The following MED13L variants were observed in gnomAD, a reference collection of about 807,000 sequenced individuals.
MED13L encodes mediator complex subunit 13L.
MED13L carries 7 observed loss-of-function variants against 220.9 expected under a neutral mutation model. That is an observed-to-expected ratio of 0.03 (90% confidence interval 0.02 to 0.06). The LOEUF (loss-of-function observed/expected upper bound fraction) is 0.06, where lower values mean the gene tolerates loss of function less well. Among genes scored for constraint, MED13L ranks in the 10% least tolerant of loss-of-function variants. The pLI is 1.00. For synonymous variants in MED13L, 1,011 were observed against 1,015.2 expected (o/e 1.00, Z 0.08); for missense variants, 1,965 against 2,760.5 (o/e 0.71, Z 6.46).
At chr12:116,058,626 C>T (rs1869168209) in intron 4 of MED13L, among the ~76,000 whole-genome samples, 2 of 152,120 alleles carry the variant, frequency 1.3e-5, no homozygotes, top group Admixed American at 1.3e-4. Flanking sequence ...TCAAAAGATG[C>T]AATAAGAGAC....
At chr12:116,025,869 C>G (rs1432158216) in intron 4 of MED13L, among the ~76,000 whole-genome samples, 1 of 152,066 alleles carries the variant, frequency 6.6e-6, no homozygotes, top group Non-Finnish European at 1.5e-5. Flanking sequence ...GTTCTTACCA[C>G]AGAAAAATGA....
chr12:116,113,467 T>A (rs1157254445), intron 2 of MED13L, among the ~76,000 whole-genome samples: 2 of 146,066 alleles, frequency 1.4e-5, no homozygotes, highest in African/African-American at 5.0e-5. Context: ...CCAGTCCCCA[T>A]CTCTACAAAA....
chr12:116,108,409 G>A (rs1253544797), intron 3 of MED13L, among the ~76,000 whole-genome samples: 1 of 148,178 alleles, frequency 6.7e-6, no homozygotes, highest in African/African-American at 2.5e-5. Context: ...GGGCGCGTGG[G>A]GGGTGGGGGT....
intron 2 of MED13L, among the ~76,000 whole-genome samples, chr12:116,225,446 A>ATATT (rs979060183): frequency 6.6e-6 from 1 of 152,180 alleles, no homozygotes; most frequent in African/African-American, 2.4e-5. Flanking sequence ...GGCATGACAA[A>ATATT]TGTTTCCAAA....
At chr12:115,984,774 TA>T (rs1226369041) in intron 19 of MED13L, among the ~76,000 whole-genome samples, 1 of 152,068 alleles carries the variant, frequency 6.6e-6, no homozygotes, top group African/African-American at 2.4e-5. Context: ...TCCCATAAGA[TA>T]ACATTAAAAT....
At chr12:116,221,804 G>C (rs1312369003) in intron 2 of MED13L, among the ~76,000 whole-genome samples, 1 of 152,060 alleles carries the variant, frequency 6.6e-6, no homozygotes, top group African/African-American at 2.4e-5. Flanking sequence ...ATAATTAAGA[G>C]ACATCAAACT....
chr12:116,273,304 AAAAAAAT>A (rs1565961879), intron 1 of MED13L, among the ~76,000 whole-genome samples: 2 of 152,196 alleles, frequency 1.3e-5, no homozygotes, highest in African/African-American at 2.4e-5. Context: ...ACTCCGTCTC[AAAAAAAT>A]AAAAAATAAA....
At position 116,008,889 on chromosome 12, in the gene MED13L, T is replaced by C. The variant is rs1170076125; in HGVS notation, c.1524A>G (p.Leu508=). The C allele has an allele frequency of 1.9e-6, 3 of 1,614,168 alleles. No individual in the cohort carries two copies. The Admixed American group carries it at 5.0e-5, about 27-fold the overall frequency. ...CMEQDTPGQK[L]GLAGIDSSLE... Reference sequence around the variant, plus strand: ...AGGAGGAGTCTATCCCTGCCAACCCTAGTTTCTGTCCTGGTGTATCTTGCT... The same window carrying C: ...AGGAGGAGTCTATCCCTGCCAACCCCAGTTTCTGTCCTGGTGTATCTTGCT... The change falls in exon 10 of 31, where the codon CTA becomes CTG. Residue 508 remains leucine, a synonymous_variant. Transcript: ENST00000281928.
chr12:115,988,798 G>A (rs561746306), intron 17 of MED13L, among the ~76,000 whole-genome samples: 16 of 152,178 alleles, frequency 1.1e-4, no homozygotes, highest in African/African-American at 2.6e-4. Context: ...CCTGAAAGAC[G>A]ACACCACTGA....
chr12:116,068,942 A>T (rs1593007145), intron 4 of MED13L, among the ~76,000 whole-genome samples: 1 of 152,080 alleles, frequency 6.6e-6, no homozygotes, highest in East Asian at 1.9e-4. Flanking sequence ...TGGATCCAAG[A>T]GTCAGCGTAG....
rs150398214 is a variant in MED13L at position 116,111,515 on chromosome 12, GAAAAAAA to G, written c.311-10_311-4del. 2.0e-5 allele frequency: 27 copies of G among 1,359,884 alleles called. 1 individual carries two copies. The highest frequency in any genetic ancestry group is 6.9e-5 in the African/African-American group (4 of 57,836). 84.2% of individuals were successfully genotyped at this position (1,359,884 alleles called of 1,614,324 possible). ...TTCCCAGAGTCCTTCTTCCACAACT[GAAAAAAA>G]AAAGAAAAAAGAAAAAAAAAGAACC... is the stretch of plus-strand genomic sequence containing the variant. On this transcript the variant is annotated splice_region_variant and splice_polypyrimidine_tract_variant and intron_variant, in intron 2 of 30. Coordinates refer to ENST00000281928, the MANE Select transcript of MED13L (RefSeq NM_015335.5).
intron 2 of MED13L, among the ~76,000 whole-genome samples, chr12:116,181,958 C>T (rs1209597940): frequency 6.6e-6 from 1 of 152,160 alleles, no homozygotes; most frequent in African/African-American, 2.4e-5. Flanking sequence ...AAACATACTC[C>T]AACTTCCAAT....
At chr12:116,199,011 G>A (rs1002854034) in intron 2 of MED13L, among the ~76,000 whole-genome samples, 2 of 152,140 alleles carry the variant, frequency 1.3e-5, no homozygotes, top group Non-Finnish European at 2.9e-5. Context: ...AAGTTTCTAT[G>A]TCTACAGGTG....
intron 23 of MED13L, 107 bp downstream of exon 23, chr12:115,980,643 G>T: frequency 8.3e-7 from 1 of 1,198,162 alleles, no homozygotes; most frequent in Non-Finnish European, 1.2e-6. Context: ...TTATATCAAT[G>T]TAGAAGACCA....
At chr12:116,080,439 C>A (rs1364511325) in intron 4 of MED13L, among the ~76,000 whole-genome samples, 2 of 152,196 alleles carry the variant, frequency 1.3e-5, no homozygotes, top group Admixed American at 6.5e-5. Flanking sequence ...GAGAGAAAGG[C>A]ACATCTGAGG....
chr12:116,076,103 C>T lies in MED13L; in HGVS notation c.479+20566G>A, dbSNP rs867022899. Among the ~76,000 whole-genome samples the T allele has an allele frequency of 4.6e-5, 7 of 151,962 alleles. No homozygotes were observed. In the South Asian group the frequency reaches 6.2e-4, roughly 14 times the overall value. ...TAATTTTTTGTATTTTTAGTAGAGA[C>T]GGGGTTTCACCGTGTTAGCCAGGAT... On this transcript the variant is annotated intron_variant, in intron 4 of 30. Coordinates refer to ENST00000281928, the MANE Select transcript of MED13L (RefSeq NM_015335.5).
At chr12:116,092,779 G>T (rs907911189) in intron 4 of MED13L, among the ~76,000 whole-genome samples, 2 of 152,082 alleles carry the variant, frequency 1.3e-5, no homozygotes, top group South Asian at 2.1e-4. Context: ...GTGGTGGGGG[G>T]GGTGTGTGCA....
intron 1 of MED13L, among the ~76,000 whole-genome samples, chr12:116,250,489 C>T (rs941001018): frequency 3.3e-5 from 5 of 151,222 alleles, no homozygotes; most frequent in African/African-American, 4.9e-5. Context: ...CTCGGCCGGG[C>T]ATGGTGGCTC....
At chr12:116,173,105 G>GAA (rs528648429) in intron 2 of MED13L, among the ~76,000 whole-genome samples, 3 of 109,898 alleles carry the variant, frequency 2.7e-5, no homozygotes, top group Admixed American at 9.4e-5. Context: ...AACAACTCAG[G>GAA]AAAAAAAAAA....
Sources: gnomAD v4.1 joint callset for allele counts (sites outside exome capture counted in the v4.1 genomes callset) on GRCh38, gnomAD v4.1.1 for gene constraint, MANE v1.5 for transcripts, NCBI Gene and HGNC (gene_info 2026-07-23, HGNC 2026-07-21) for gene names.